Variants in ARHGAP24 observed in about 807,000 individuals in gnomAD.
ARHGAP24 encodes rho GTPase-activating protein 24.
Under a neutral mutation model 76.4 loss-of-function variants are expected in ARHGAP24, and 50 were observed. The ratio of observed to expected loss-of-function variants is 0.65; its 90% confidence interval spans 0.52 to 0.83. ARHGAP24 has a LOEUF of 0.83. ARHGAP24 is among the 40% of genes least tolerant of loss of function. The pLI is 0.00. For missense variants in ARHGAP24, 930 were observed against 914.2 expected, an observed-to-expected ratio of 1.02 and a Z score of -0.22; for synonymous variants, 345 against 323.3, an observed-to-expected ratio of 1.07 and a Z score of -0.72.
At chr4:85,914,412 T>C (rs1735256001) in intron 3 of ARHGAP24, among the ~76,000 whole-genome samples, 1 of 152,202 alleles carries the variant, frequency 6.6e-6, no homozygotes, top group Non-Finnish European at 1.5e-5. Context: ...TCAGTTAGTG[T>C]GGAATGAGGT....
intron 3 of ARHGAP24, among the ~76,000 whole-genome samples, chr4:85,890,671 T>TAGA (rs1261235282): frequency 2.6e-5 from 4 of 152,162 alleles, no homozygotes; most frequent in African/African-American, 4.8e-5. Context: ...ATAGCCTATC[T>TAGA]AGAAAATCAG....
chr4:85,615,373 T>G (rs1420427892), intron 2 of ARHGAP24, among the ~76,000 whole-genome samples: 1 of 152,166 alleles, frequency 6.6e-6, no homozygotes, highest in African/African-American at 2.4e-5. Flanking sequence ...AAAGATAAAA[T>G]TAATTTTATC....
chr4:85,657,671 A>G (rs1035177903), intron 2 of ARHGAP24, among the ~76,000 whole-genome samples: 4 of 152,182 alleles, frequency 2.6e-5, no homozygotes, highest in Non-Finnish European at 5.9e-5. Context: ...AGGGAATAAC[A>G]TTTTCATTTG....
chr4:85,548,576 G>T (rs924586897), intron 1 of ARHGAP24, among the ~76,000 whole-genome samples: 3 of 152,134 alleles, frequency 2.0e-5, no homozygotes, highest in Non-Finnish European at 4.4e-5. Flanking sequence ...GCTCGACTTG[G>T]AATACAAGAA....
chr4:85,974,406 C>T (rs939788918), intron 6 of ARHGAP24, among the ~76,000 whole-genome samples: 7 of 152,132 alleles, frequency 4.6e-5, no homozygotes, highest in East Asian at 1.9e-4. Context: ...CAAATAAATT[C>T]GTCCCTTGTG....
chr4:85,844,668 A>G (rs1275734274), intron 3 of ARHGAP24, among the ~76,000 whole-genome samples: 3 of 152,230 alleles, frequency 2.0e-5, no homozygotes, highest in East Asian at 3.8e-4. Flanking sequence ...TGTGTCCCGT[A>G]TAAATTGCAA....
intron 2 of ARHGAP24, among the ~76,000 whole-genome samples, chr4:85,571,919 C>T (rs979961839): frequency 1.3e-5 from 2 of 152,154 alleles, no homozygotes; most frequent in African/African-American, 4.8e-5. Flanking sequence ...AGTTTGAGTT[C>T]GTATAGCTTT....
chr4:85,637,772 A>G (rs1245300819), intron 2 of ARHGAP24, among the ~76,000 whole-genome samples: 14 of 152,028 alleles, frequency 9.2e-5, no homozygotes, highest in Admixed American at 9.2e-4. Context: ...TGATGCAGCT[A>G]CTAGATAATT....
chr4:85,644,715 G>A (rs1353467328), intron 2 of ARHGAP24, among the ~76,000 whole-genome samples: 2 of 152,120 alleles, frequency 1.3e-5, no homozygotes, highest in African/African-American at 4.8e-5. Context: ...AACAGTGTAC[G>A]CTTTTAAATA....
chr4:85,783,814 T>A (rs1248553496), intron 3 of ARHGAP24, among the ~76,000 whole-genome samples: 1 of 152,194 alleles, frequency 6.6e-6, no homozygotes, highest in Non-Finnish European at 1.5e-5. Flanking sequence ...TGCTAAAGCA[T>A]TTCCTGGGCC....
chr4:85,915,618 T>C (rs1449706573), intron 3 of ARHGAP24, among the ~76,000 whole-genome samples: 1 of 151,108 alleles, frequency 6.6e-6, no homozygotes, highest in African/African-American at 2.4e-5. Context: ...CCCCTCCCTG[T>C]ATTCATGTGT....
intron 3 of ARHGAP24, among the ~76,000 whole-genome samples, chr4:85,840,846 A>G (rs1730559432): frequency 6.6e-6 from 1 of 152,260 alleles, no homozygotes; most frequent in Non-Finnish European, 1.5e-5. Flanking sequence ...AGATAGAGCT[A>G]TATCAATTAT....
chr4:85,576,392 T>C (rs1727378340), intron 2 of ARHGAP24, among the ~76,000 whole-genome samples: 1 of 151,396 alleles, frequency 6.6e-6, no homozygotes, highest in Admixed American at 6.6e-5. Context: ...ATCGCGCCAC[T>C]GCACTCCAGC....
chr4:85,689,869 T>C (rs1025972431), intron 2 of ARHGAP24, among the ~76,000 whole-genome samples: 3 of 152,214 alleles, frequency 2.0e-5, no homozygotes, highest in Admixed American at 6.5e-5. Flanking sequence ...TTCTTTTGCC[T>C]GATTAGTCTG....
chr4:85,677,422 A>G (rs7680209), intron 2 of ARHGAP24, among the ~76,000 whole-genome samples: 139,419 of 152,244 alleles, frequency 0.92, 63,908 homozygotes, highest in East Asian at 0.98. Flanking sequence ...GGGAACAATG[A>G]GCTTAATTAA....
intron 3 of ARHGAP24, among the ~76,000 whole-genome samples, chr4:85,760,558 C>CAGG (rs1726695939): frequency 6.6e-6 from 1 of 152,172 alleles, no homozygotes; most frequent in Non-Finnish European, 1.5e-5. Flanking sequence ...TTTGAGTAAT[C>CAGG]TGCTTCCAAA....
chr4:86,000,756 G>T lies in ARHGAP24; in HGVS notation c.*34G>T. ...TCGCCTGCTGTCTCTGATGGCTCTGGCAAGGACTCCAGGGATTCTGGTGGG... is the reference window on the plus strand; with the variant it reads ...TCGCCTGCTGTCTCTGATGGCTCTGTCAAGGACTCCAGGGATTCTGGTGGG... On this transcript the variant is annotated 3_prime_UTR_variant, in exon 10 of 10. Coordinates refer to ENST00000395184, the MANE Select transcript of ARHGAP24 (RefSeq NM_001025616.3). The T allele has an allele frequency of 6.2e-7, 1 of 1,612,704 alleles. No homozygotes were observed. Among genetic ancestry groups the T allele is most frequent in the Non-Finnish European group, 8.5e-7 (1 of 1,179,198 alleles).
chr4:85,700,902 A>G (rs1396909317), intron 2 of ARHGAP24, among the ~76,000 whole-genome samples: 1 of 152,198 alleles, frequency 6.6e-6, no homozygotes. Context: ...CAAAAATAAA[A>G]TATCTCTCTT....
chr4:85,673,897 G>A (rs960984334), intron 2 of ARHGAP24, among the ~76,000 whole-genome samples: 2 of 151,828 alleles, frequency 1.3e-5, no homozygotes, highest in Non-Finnish European at 2.9e-5. Context: ...CCCTACAGAG[G>A]TTTATAAAAT....
Sources: allele counts gnomAD v4.1 joint callset (sites outside exome capture counted in the v4.1 genomes callset), GRCh38; gene constraint gnomAD v4.1.1; transcripts MANE v1.5; gene names NCBI Gene and HGNC (gene_info 2026-07-23, HGNC 2026-07-21).